The following AFF2 variants were observed in gnomAD, a reference collection of about 807,000 sequenced individuals.
AFF2 encodes ALF transcription elongation factor 2.
AFF2 carries 14 observed loss-of-function variants against 76.9 expected under a neutral mutation model. That is an observed-to-expected ratio of 0.18 (90% confidence interval 0.12 to 0.28). AFF2 has a LOEUF of 0.28. AFF2 is among the 10% of genes least tolerant of loss of function. The pLI is 1.00. For missense variants in AFF2, 868 were observed against 1,001.1 expected, an observed-to-expected ratio of 0.87 and a Z score of 1.79; for synonymous variants, 398 against 366.7, an observed-to-expected ratio of 1.09 and a Z score of -0.98.
chrX:148,953,083 C>G (rs1380246544), intron 9 of AFF2, among the ~76,000 whole-genome samples: 1 of 111,505 alleles, frequency 9.0e-6, no homozygotes, highest in Non-Finnish European at 1.9e-5. Flanking sequence ...TCAGTTTCCT[C>G]TAATTAAAAT....
intron 8 of AFF2, among the ~76,000 whole-genome samples, chrX:148,897,824 C>T (rs1217924718): frequency 9.1e-6 from 1 of 110,317 alleles, no homozygotes; most frequent in Non-Finnish European, 1.9e-5. Flanking sequence ...ACCCACAAAC[C>T]CCAGGGGAAC....
chrX:148,789,199 C>T (rs1174158004), intron 3 of AFF2, among the ~76,000 whole-genome samples: 2 of 112,002 alleles, frequency 1.8e-5, no homozygotes, highest in African/African-American at 6.5e-5. Flanking sequence ...AAAATATGTG[C>T]CCATGCCTTA....
chrX:148,704,460 G>GTGTATA (rs782141055), intron 3 of AFF2, among the ~76,000 whole-genome samples: 1 of 14,867 alleles, frequency 6.7e-5, no homozygotes, highest in African/African-American at 2.4e-4. Flanking sequence ...TTATATATGT[G>GTGTATA]TATATATTTA....
At chrX:148,973,691 C>A in intron 16 of AFF2, 84 bp downstream of exon 16, 1 of 1,002,973 alleles carries the variant, frequency 1.0e-6, no homozygotes, top group Non-Finnish European at 1.4e-6. Flanking sequence ...ATCATTTCCA[C>A]TTATTAATAA....
At chrX:148,734,824 T>C (rs1379909251) in intron 3 of AFF2, among the ~76,000 whole-genome samples, 1 of 111,728 alleles carries the variant, frequency 9.0e-6, no homozygotes, top group Non-Finnish European at 1.9e-5. Flanking sequence ...TTCAACTGGT[T>C]TGAGTATGTA....
At chrX:148,775,679 A>T (rs1207416619) in intron 3 of AFF2, among the ~76,000 whole-genome samples, 1 of 110,625 alleles carries the variant, frequency 9.0e-6, no homozygotes, top group Admixed American at 9.7e-5. Flanking sequence ...TTGTGGCCTC[A>T]TTGCTCCAAT....
chrX:148,784,594 C>G lies in AFF2; in HGVS notation c.1042-25282C>G, dbSNP rs1037137164. On this transcript the variant is annotated intron_variant, in intron 3 of 20. Coordinates refer to ENST00000370460, the MANE Select transcript of AFF2 (RefSeq NM_002025.4). The stretch of plus-strand genomic sequence containing the variant: ...ACGGTGCATTAAGGATGAGATAGTT[C>G]TCACTGAGTACTGTTCCTTGTAATA... 1.1e-4 allele frequency among the ~76,000 whole-genome samples: 12 copies of G among 111,585 alleles called. 1 individual carries two copies. The highest frequency in any genetic ancestry group is 3.9e-4 in the African/African-American group (12 of 30,627).
chrX:148,802,266 T>C (rs2070069682), intron 3 of AFF2, among the ~76,000 whole-genome samples: 2 of 111,933 alleles, frequency 1.8e-5, no homozygotes, highest in Non-Finnish European at 3.8e-5. Context: ...CAGCCCAAAG[T>C]GAAAGTGTTG....
chrX:148,701,784 G>C (rs887865971), intron 3 of AFF2, among the ~76,000 whole-genome samples: 6 of 111,547 alleles, frequency 5.4e-5, no homozygotes, highest in Admixed American at 1.9e-4. Flanking sequence ...GTATGTCTGT[G>C]AATTAGTCTG....
Position 148,602,079 on chromosome X carries a change from G to A in AFF2, c.48-49920G>A, listed in dbSNP as rs887184230. Among the ~76,000 whole-genome samples, 5 of 111,781 alleles carry A rather than the reference G, an allele frequency of 4.5e-5. No individual in the cohort carries two copies. In the East Asian group the frequency reaches 1.4e-3, roughly 32 times the overall value. ...GGAGTGAGGGCATTACCTTTAACAG[G>A]GTGCTCAGAAGAAGGCTTTTCAGAG... On this transcript the variant is annotated intron_variant, in intron 1 of 20. Coordinates refer to ENST00000370460, the MANE Select transcript of AFF2 (RefSeq NM_002025.4).
intron 3 of AFF2, among the ~76,000 whole-genome samples, chrX:148,767,306 A>G (rs1557267839): frequency 4.5e-5 from 5 of 111,702 alleles, no homozygotes; most frequent in Admixed American, 2.9e-4. Flanking sequence ...AAAGCTAAAC[A>G]TTAATAACTT....
At chrX:148,578,745 A>G (rs1355694045) in intron 1 of AFF2, among the ~76,000 whole-genome samples, 4 of 112,008 alleles carry the variant, frequency 3.6e-5, no homozygotes, top group Non-Finnish European at 7.5e-5. Context: ...TCTGTCATGT[A>G]ACTAGCACTT....
At chrX:148,754,892 A>G (rs898469005) in intron 3 of AFF2, among the ~76,000 whole-genome samples, 15 of 111,775 alleles carry the variant, frequency 1.3e-4, no homozygotes, top group Non-Finnish European at 3.8e-5. Flanking sequence ...ACTAAGATAA[A>G]TATACAAAGG....
At chrX:148,824,653 G>A (rs1021805544) in intron 4 of AFF2, among the ~76,000 whole-genome samples, 3 of 111,987 alleles carry the variant, frequency 2.7e-5, no homozygotes, top group Non-Finnish European at 5.6e-5. Flanking sequence ...CTTAGGGATC[G>A]GCTTATTTTT....
intron 1 of AFF2, among the ~76,000 whole-genome samples, chrX:148,553,253 A>G (rs1424788428): frequency 8.9e-6 from 1 of 112,028 alleles, no homozygotes; most frequent in Admixed American, 9.5e-5. Flanking sequence ...GTCCAATAGC[A>G]ATATAATACA....
intron 1 of AFF2, among the ~76,000 whole-genome samples, chrX:148,556,373 C>T (rs782805884): frequency 1.8e-5 from 2 of 111,503 alleles, no homozygotes; most frequent in South Asian, 3.7e-4. Context: ...GCCGTGGTTC[C>T]GGGCGCCACC....
At position 148,931,253 on chromosome X, in the gene AFF2, CAAAA is replaced by C. The variant is rs782537927; in HGVS notation, c.1398-22304_1398-22301del. On this transcript the variant is annotated intron_variant, in intron 9 of 20. Coordinates refer to ENST00000370460, the MANE Select transcript of AFF2 (RefSeq NM_002025.4). ...TGGGTGACAGAGCGAGACTCTGTCT[CAAAA>C]AAAAAAAAAAAAAAAAAAAAAATTC... 1.6e-3 allele frequency among the ~76,000 whole-genome samples: 70 copies of C among 43,765 alleles called. 1 individual carries two copies. The East Asian group carries it at 0.053, about 33-fold the overall frequency. The allele number at this position is 43,765 out of a possible 115,157, so 38.0% of individuals were successfully genotyped here. A position where few individuals can be genotyped will look rare whatever the true frequency, so the allele number is the denominator to read the frequency against.
In AFF2 at chrX:148,904,306, G is replaced by A. The variant is rs781902730; in HGVS notation, c.1397+48G>A. On this transcript the variant is annotated intron_variant, in intron 9 of 20. Transcript: ENST00000370460. Reference sequence around the variant, plus strand: ...TGCAAATGTTAATTTTAACGGACTCGATGCATGTGAAAAAATAAGGTCATA... The same window carrying A: ...TGCAAATGTTAATTTTAACGGACTCAATGCATGTGAAAAAATAAGGTCATA... 42 of 748,579 alleles carry A rather than the reference G, an allele frequency of 5.6e-5. No individual in the cohort carries two copies. In the South Asian group the frequency reaches 8.9e-4, roughly 16 times the overall value. The allele number at this position is 748,579 out of a possible 1,213,427, so 61.7% of individuals were successfully genotyped here. A position where few individuals can be genotyped will look rare whatever the true frequency, so the allele number is the denominator to read the frequency against.
At chrX:148,516,658 A>G (rs782294281) in intron 1 of AFF2, among the ~76,000 whole-genome samples, 12 of 111,875 alleles carry the variant, frequency 1.1e-4, no homozygotes, top group Non-Finnish European at 2.1e-4. Context: ...TGCCATTTTT[A>G]TGATGGGGAA....
Sources: allele counts gnomAD v4.1 joint callset (sites outside exome capture counted in the v4.1 genomes callset), GRCh38; gene constraint gnomAD v4.1.1; transcripts MANE v1.5; gene names NCBI Gene and HGNC (gene_info 2026-07-23, HGNC 2026-07-21).